Variants in USP54 observed in about 807,000 individuals in gnomAD.
USP54 encodes the protein ubiquitin carboxyl-terminal hydrolase 54.
A neutral mutation model predicts 170.5 loss-of-function variants in USP54; 87 were observed. The ratio of observed to expected loss-of-function variants is 0.51; its 90% CI spans 0.43 to 0.61. The LOEUF (loss-of-function observed/expected upper bound fraction) is 0.61. USP54 is among the 20% of genes least tolerant of loss of function. The pLI, the probability that USP54 is intolerant of heterozygous loss-of-function variation, is 0.00. For synonymous variants in USP54, 655 were observed against 742.8 expected, an observed-to-expected ratio of 0.88 and a Z score of 1.92; for missense variants, 1,786 against 2,047.8, an observed-to-expected ratio of 0.87 and a Z score of 2.47.
upstream of USP54, among the ~76,000 whole-genome samples, chr10:73,592,467 G>T (rs555484701): frequency 1.3e-4 from 17 of 131,176 alleles, no homozygotes; most frequent in East Asian, 3.5e-3. Context: ...CAAGGAAAGT[G>T]CCACAAAAAA....
At position 73,529,476 on chromosome 10, in the gene USP54, A is replaced by G. The variant is rs755156935; in HGVS notation, c.2060+204T>C. 3.4e-5 allele frequency: 22 copies of G among 647,804 alleles called. 2 individuals carry two copies. Among genetic ancestry groups the G allele is most frequent in the South Asian group, 3.4e-4 (20 of 58,940 alleles). 40.1% of individuals were successfully genotyped at this position (647,804 alleles called of 1,614,324 possible). A position where few individuals can be genotyped will look rare whatever the true frequency, so the allele number is the denominator to read the frequency against. On this transcript the variant is annotated intron_variant, in intron 15 of 23. Transcript: ENST00000687698. ...AAATTATTTTATACATGATAACTGT[A>G]TTTCAAATAGAAAGTTCTCTCTCCT...
intron 20 of USP54, among the ~76,000 whole-genome samples, chr10:73,510,261 G>A (rs1026998075): frequency 2.0e-5 from 3 of 151,920 alleles, no homozygotes; most frequent in African/African-American, 7.3e-5. Flanking sequence ...CTTGAACCCG[G>A]GAGGCGGAGG....
At position 73,530,796 on chromosome 10, in the gene USP54, G is replaced by A; in HGVS notation, c.1355C>T (p.Ser452Phe). ...GCGCTCTATCAGTGACCCTTTCTTG[G>A]ATGTGTGTTTCTGATTACATTCACT... ...TDSECNQKHT[S>F]KKGSLIERKR... Residue 452 changes from serine (S) to phenylalanine (F), a missense_variant, in exon 13 of 24, where the codon TCC (serine) becomes TTC (phenylalanine). Ser to Phe is a radical substitution (Grantham distance 155). This residue lies in a region of USP54 where 1,418 missense variants were observed against 1,569.0 expected (regional missense o/e 0.90). Transcript: ENST00000687698. 1 of 1,614,092 alleles carries A rather than the reference G, an allele frequency of 6.2e-7. No individual in the cohort carries two copies. Among genetic ancestry groups the A allele is most frequent in the Non-Finnish European group, 8.5e-7 (1 of 1,180,010 alleles).
chr10:73,550,188 T>C (rs1463449903), intron 4 of USP54, among the ~76,000 whole-genome samples: 3 of 152,206 alleles, frequency 2.0e-5, no homozygotes, highest in African/African-American at 7.2e-5. Flanking sequence ...CCTCCCAAAG[T>C]GCTGGGATAA....
chr10:73,571,112 T>C (rs1232120949), intron 4 of USP54, among the ~76,000 whole-genome samples: 2 of 120,196 alleles, frequency 1.7e-5, no homozygotes, highest in Non-Finnish European at 3.2e-5. Flanking sequence ...CACTCCAGAC[T>C]GGGTGACAGA....
chr10:73,589,299 G>A (rs552824565), intron 1 of USP54, among the ~76,000 whole-genome samples: 8 of 152,234 alleles, frequency 5.3e-5, no homozygotes, highest in East Asian at 3.9e-4. Context: ...CATACCTTGC[G>A]CTTCCAAAAG....
chr10:73,539,307 A>ATATATATATAT (rs1554881012), intron 10 of USP54, 137 bp downstream of exon 10: 2 of 277,374 alleles, frequency 7.2e-6, no homozygotes, highest in African/African-American at 2.6e-5. Flanking sequence ...AAAAAAAAAA[A>ATATATATATAT]ATATATATAT....
At position 73,500,729 on chromosome 10, in the gene USP54, T is replaced by C; in HGVS notation, c.4421A>G (p.Tyr1474Cys). The C allele has an allele frequency of 6.2e-7, 1 of 1,604,590 alleles. No homozygotes were observed. The highest frequency in any genetic ancestry group is 8.5e-7 in the Non-Finnish European group (1 of 1,175,736). ...PSVFLLGPQL[Y>C]LPQPQFLSPD... ...GGACAGGAACTGTGGTTGGGGAAGGTAGAGTTGGGGACCGAGGAGAAACAC... is the reference window on the plus strand; with the variant it reads ...GGACAGGAACTGTGGTTGGGGAAGGCAGAGTTGGGGACCGAGGAGAAACAC... Residue 1474 changes from tyrosine (Y) to cysteine (C), a missense_variant, in exon 23 of 24, where the codon TAC becomes TGC. Tyr to Cys is a radical substitution (Grantham distance 194). Coordinates refer to ENST00000687698, the MANE Select transcript of USP54 (RefSeq NM_001391956.1).
At chr10:73,556,448 G>A (rs2071077323) in intron 4 of USP54, among the ~76,000 whole-genome samples, 1 of 150,544 alleles carries the variant, frequency 6.6e-6, no homozygotes, top group Non-Finnish European at 1.5e-5. Flanking sequence ...CCAGGTTGAA[G>A]CAATTCTCTG....
chr10:73,544,835 T>C (rs987535951), intron 5 of USP54, among the ~76,000 whole-genome samples: 7 of 152,124 alleles, frequency 4.6e-5, no homozygotes, highest in Non-Finnish European at 1.0e-4. Flanking sequence ...TGCCTCAGCC[T>C]CCCAAGTAGC....
rs1189085207 is a variant in USP54, at chr10:73,526,699, C to T, written c.2142G>A (p.Glu714=). Residue 714 remains glutamate (E), a synonymous_variant, in exon 16 of 24, where the codon GAG becomes GAA. Coordinates refer to ENST00000687698, the MANE Select transcript of USP54 (RefSeq NM_001391956.1). ...IPKSHSSSIL[E]VDSTASMGGW... The stretch of plus-strand genomic sequence containing the variant: ...CACCCATGGATGCTGTGGAGTCTAC[C>T]TCCAGGATGCTACTGCTGTGCGACT... The T allele has an allele frequency of 1.1e-5, 18 of 1,614,022 alleles. No homozygotes were observed. The highest frequency in any genetic ancestry group is 1.5e-5 in the Non-Finnish European group (18 of 1,180,010).
rs2064049912 is a variant in USP54, at chr10:73,531,884, C to A, written c.1316-1049G>T. Among the ~76,000 whole-genome samples the A allele has an allele frequency of 2.0e-5, 3 of 151,750 alleles. No individual in the cohort carries two copies. In the South Asian group the frequency reaches 6.2e-4, roughly 31 times the overall value. ...AAAGTCAGATTCTAAAGGATATAAG[C>A]AACTAAATTGCTAGAAGCCAGAGAT... is the stretch of plus-strand genomic sequence containing the variant. On this transcript the variant is annotated intron_variant, in intron 12 of 23. Coordinates refer to ENST00000687698, the MANE Select transcript of USP54 (RefSeq NM_001391956.1).
rs572365948 is a variant in USP54 at position 73,543,533 on chromosome 10, A to AT, written c.376-403dup. 1.6e-4 allele frequency among the ~76,000 whole-genome samples: 25 copies of AT among 151,894 alleles called. No individual in the cohort carries two copies. In the South Asian group the frequency reaches 5.2e-3, roughly 32 times the overall value. The stretch of plus-strand genomic sequence containing the variant: ...AGGCGCCCGCCACCACGCCCGGCTA[A>AT]TTTTTTGTATTTTTAGTAGAGACGA... On this transcript the variant is annotated intron_variant, in intron 5 of 23. Coordinates refer to ENST00000687698, the MANE Select transcript of USP54 (RefSeq NM_001391956.1).
intron 12 of USP54, 66 bp downstream of exon 12, chr10:73,534,534 C>G (rs936034951): frequency 5.1e-6 from 8 of 1,555,832 alleles, no homozygotes; most frequent in Non-Finnish European, 7.0e-6. Flanking sequence ...CTCACAGTTT[C>G]TTTTTCTTAG....
chr10:73,505,391 C>T lies in USP54; in HGVS notation c.4087G>A (p.Ala1363Thr). 1 of 1,614,144 alleles carries T rather than the reference C, an allele frequency of 6.2e-7. No individual in the cohort carries two copies. The highest frequency in any genetic ancestry group is 1.1e-5 in the South Asian group (1 of 91,082). ...GTCTTTGAGAGACCAGGATCATGGGCTGAGTGCAACCTCCTCCCCATGCCA... is the reference window on the plus strand; with the variant it reads ...GTCTTTGAGAGACCAGGATCATGGGTTGAGTGCAACCTCCTCCCCATGCCA... ...ADGMGRRLHSAHDPGLSKTST... is the reference protein window; with the variant it reads ...ADGMGRRLHSTHDPGLSKTST... The change falls in exon 21 of 24, where the codon GCC (alanine) becomes ACC (threonine). Residue 1363 changes from alanine to threonine, a missense_variant. Physicochemically the swap from Ala to Thr is moderately conservative, Grantham distance 58. Around this residue, in one of 3 missense-constraint regions of USP54, gnomAD observed 1,418 missense variants for 1,569.0 expected, o/e 0.90. Coordinates refer to ENST00000687698, the MANE Select transcript of USP54 (RefSeq NM_001391956.1).
At chr10:73,553,474 G>A (rs1880701) in intron 4 of USP54, 10,459 of 152,204 alleles carry the variant, frequency 0.069, 598 homozygotes, top group East Asian at 0.3. Context: ...CCTCTCACAT[G>A]AGCACAGGGA....
intron 15 of USP54, among the ~76,000 whole-genome samples, chr10:73,527,937 C>G (rs550368746): frequency 1.2e-4 from 18 of 151,274 alleles, no homozygotes; most frequent in Admixed American, 7.9e-4. Flanking sequence ...TTTTAATTCA[C>G]TAATCCATTC....
chr10:73,619,595 G>A (rs1394948475), intron 1 of USP54, among the ~76,000 whole-genome samples: 3 of 149,966 alleles, frequency 2.0e-5, no homozygotes, highest in South Asian at 2.1e-4. Context: ...GATTATAGGC[G>A]TGAGCCACCA....
chr10:73,562,213 C>T (rs536362487), intron 4 of USP54, among the ~76,000 whole-genome samples: 3 of 152,210 alleles, frequency 2.0e-5, no homozygotes, highest in East Asian at 3.9e-4. Flanking sequence ...GGTTGCAGTG[C>T]TTTTCTATAT....
Sources: allele counts gnomAD v4.1 joint callset (sites outside exome capture counted in the v4.1 genomes callset), GRCh38; gene constraint gnomAD v4.1.1; regional missense constraint gnomAD v4.1.1; transcripts MANE v1.5; gene names NCBI Gene and HGNC (gene_info 2026-07-23, HGNC 2026-07-21).